Variants in ELF3 observed in about 807,000 individuals in gnomAD.
ELF3 encodes E74 like ETS transcription factor 3.
In ELF3, 18 loss-of-function variants were observed where a neutral mutation model predicts 43.9. That is an observed-to-expected ratio of 0.41 (90% CI 0.28 to 0.61). ELF3 has a LOEUF of 0.61. Ranked by LOEUF, ELF3 falls within the 20% of genes least tolerant of loss-of-function variation. The pLI is 0.30. For synonymous variants in ELF3, 181 were observed against 190.2 expected, an observed-to-expected ratio of 0.95 and a Z score of 0.40; for missense variants, 373 against 487.7, an observed-to-expected ratio of 0.76 and a Z score of 2.21.
In ELF3 at chr1:202,011,315, G is replaced by C. The variant is rs57044543; in HGVS notation, c.163+16G>C. 2.7e-3 allele frequency: 4,095 copies of C among 1,544,576 alleles called. 99 individuals carry two copies. The African/African-American group carries it at 0.051, about 19-fold the overall frequency. ...GAGGGTACAGGTGGGTCTCAGCGGG[G>C]TGGGATGGGGCACGGAGTGGGAGAC... On this transcript the variant is annotated intron_variant, in intron 2 of 8. Transcript: ENST00000367284.
At chr1:202,011,495 G>C in intron 2 of ELF3, 196 bp downstream of exon 2, 1 of 651,808 alleles carries the variant, frequency 1.5e-6, no homozygotes, top group South Asian at 2.4e-5. Context: ...ACCAGGACAA[G>C]GGTGTTGTGA....
chr1:202,012,074 G>C lies in ELF3; in HGVS notation c.281G>C (p.Arg94Pro). The change falls in exon 3 of 9, where the codon CGA (arginine) becomes CCA (proline). Residue 94 changes from arginine (R) to proline (P), a missense_variant. Arg to Pro is a moderately radical substitution (Grantham distance 103). This residue lies in a region of ELF3 where 311 missense variants were observed against 351.2 expected (regional missense o/e 0.89). Coordinates refer to ENST00000367284, the MANE Select transcript of ELF3 (RefSeq NM_004433.5). The surrounding 1 kb of genome is among the most constrained non-coding windows in gnomAD (Gnocchi z 4.2). ...KYDASAIDFS[R>P]CDMDGATLCN... is the part of the protein sequence containing the mutation. ...GACGCAAGCGCCATTGACTTCTCACGATGTGACATGGATGGCGCCACCCTC... is the reference window on the plus strand; with the variant it reads ...GACGCAAGCGCCATTGACTTCTCACCATGTGACATGGATGGCGCCACCCTC... The C allele has an allele frequency of 3.1e-6, 5 of 1,614,214 alleles. No individual in the cohort carries two copies. The highest frequency in any genetic ancestry group is 2.5e-6 in the Non-Finnish European group (3 of 1,180,038).
At position 202,012,710 on chromosome 1, in the gene ELF3, C is replaced by T; in HGVS notation, c.549C>T (p.Ser183=). 1 of 1,606,306 alleles carries T rather than the reference C, an allele frequency of 6.2e-7. No homozygotes were observed. Among genetic ancestry groups the T allele is most frequent in the East Asian group, 2.2e-5 (1 of 44,784 alleles). Residue 183 remains serine, a synonymous_variant, in exon 5 of 9, where the codon AGC becomes AGT. Coordinates refer to ENST00000367284, the MANE Select transcript of ELF3 (RefSeq NM_004433.5). The surrounding 1 kb of genome is among the most constrained non-coding windows in gnomAD (Gnocchi z 4.2). ...AAGCCAGCCCCTACCACCCCGGCAGCTGTGGCGCAGGAGCCCCCTCCCCTG... is the reference window on the plus strand; with the variant it reads ...AAGCCAGCCCCTACCACCCCGGCAGTTGTGGCGCAGGAGCCCCCTCCCCTG... ...GQQASPYHPG[S]CGAGAPSPGS...
At position 202,011,638 on chromosome 1, in the gene ELF3, G is replaced by A. The variant is rs146605694; in HGVS notation, c.164-319G>A. The A allele has an allele frequency of 2.5e-4, 117 of 464,082 alleles. 1 individual carries two copies. Among genetic ancestry groups the A allele is most frequent in the African/African-American group, 2.2e-3 (112 of 51,082 alleles). 28.7% of individuals were successfully genotyped at this position (464,082 alleles called of 1,614,324 possible). ...TGTAATCCCAGCACTTTGGGAGGCT[G>A]AGCTGAGCGGATCACCTGAGGTCAA... On this transcript the variant is annotated intron_variant, in intron 2 of 8. Coordinates refer to ENST00000367284, the MANE Select transcript of ELF3 (RefSeq NM_004433.5).
chr1:202,013,343 G>A lies in ELF3; in HGVS notation c.805+45G>A, dbSNP rs373929064. 43 of 1,576,700 alleles carry A rather than the reference G, an allele frequency of 2.7e-5. No homozygotes were observed. Among genetic ancestry groups the A allele is most frequent in the African/African-American group, 5.4e-5 (4 of 74,004 alleles). On this transcript the variant is annotated intron_variant, in intron 7 of 8. Coordinates refer to ENST00000367284, the MANE Select transcript of ELF3 (RefSeq NM_004433.5). The surrounding 1 kb of genome is among the most constrained non-coding windows in gnomAD (Gnocchi z 5.7). The stretch of plus-strand genomic sequence containing the variant: ...GGGTCCTCCCTGCGCCGGGCTGAGC[G>A]GCTTCCTGGGGCACTGCGGGTTGTT...
In ELF3 at chr1:202,010,810, C is replaced by T. The variant is rs548296818; in HGVS notation, c.-9+104C>T. On this transcript the variant is annotated intron_variant, in intron 1 of 8. Coordinates refer to ENST00000367284, the MANE Select transcript of ELF3 (RefSeq NM_004433.5). This position sits in a 1 kb window ranked among gnomAD's most constrained non-coding sequence, Gnocchi z 4.3. ...CCTGCACACTCCAGTCTAGGATCTC[C>T]GAGCAAGAGCGTAGGTGTCCTGAGG... The T allele has an allele frequency of 6.8e-6, 2 of 294,216 alleles. No homozygotes were observed. Among genetic ancestry groups the T allele is most frequent in the Non-Finnish European group, 1.3e-5 (2 of 154,768 alleles). The allele number at this position is 294,216 out of a possible 1,614,324, so 18.2% of individuals were successfully genotyped here.
At position 202,015,349 on chromosome 1, in the gene ELF3, A is replaced by C; in HGVS notation, c.*26A>C. 6.2e-7 allele frequency: 1 copy of C among 1,611,608 alleles called. No homozygotes were observed. Among genetic ancestry groups the C allele is most frequent in the Non-Finnish European group, 8.5e-7 (1 of 1,178,428 alleles). On this transcript the variant is annotated 3_prime_UTR_variant, in exon 9 of 9. Coordinates refer to ENST00000367284, the MANE Select transcript of ELF3 (RefSeq NM_004433.5). ...GGGTTGGAACTATACCCGGGACCAA[A>C]CTCACGGACCACTCGAGGCCTGCAA...
rs1218452055 is a variant in ELF3, at chr1:202,014,042, A to T, written c.1001+18A>T. 14 of 1,597,572 alleles carry T rather than the reference A, an allele frequency of 8.8e-6. No individual in the cohort carries two copies. The highest frequency in any genetic ancestry group is 1.2e-5 in the Non-Finnish European group (14 of 1,169,308). The stretch of plus-strand genomic sequence containing the variant: ...GCCATGAGGTGAGCTGGCGGCCAGG[A>T]CCCTCACGATACAGCCGGACATGGG... On this transcript the variant is annotated intron_variant, in intron 8 of 8. Coordinates refer to ENST00000367284, the MANE Select transcript of ELF3 (RefSeq NM_004433.5).
chr1:202,013,277 G>A lies in ELF3; in HGVS notation c.784G>A (p.Glu262Lys), dbSNP rs779747541. Residue 262 changes from glutamate (E) to lysine (K), a missense_variant, in exon 7 of 9, where the codon GAG becomes AAG. Glu to Lys is a moderately conservative substitution (Grantham distance 56). Coordinates refer to ENST00000367284, the MANE Select transcript of ELF3 (RefSeq NM_004433.5). This position sits in a 1 kb window ranked among gnomAD's most constrained non-coding sequence, Gnocchi z 5.7. Reference protein sequence around the residue: ...KLSKEYWDCLEGKKSKHAPRG... With the variant: ...KLSKEYWDCLKGKKSKHAPRG... Reference sequence around the variant, plus strand: ...GAGCAAAGAGTACTGGGACTGTCTCGAGGGCAAGAAGAGCAAGCACGGTGA... The same window carrying A: ...GAGCAAAGAGTACTGGGACTGTCTCAAGGGCAAGAAGAGCAAGCACGGTGA... The A allele has an allele frequency of 3.7e-6, 6 of 1,614,038 alleles. No individual in the cohort carries two copies. The highest frequency in any genetic ancestry group is 2.2e-5 in the East Asian group (1 of 44,870).
chr1:202,011,274 C>T lies in ELF3; in HGVS notation c.138C>T (p.Asn46=), dbSNP rs2102991355. 6.2e-7 allele frequency: 1 copy of T among 1,604,300 alleles called. No individual in the cohort carries two copies. The highest frequency in any genetic ancestry group is 8.5e-7 in the Non-Finnish European group (1 of 1,174,762). Residue 46 remains asparagine, a synonymous_variant, in exon 2 of 9, where the codon AAC becomes AAT. Coordinates refer to ENST00000367284, the MANE Select transcript of ELF3 (RefSeq NM_004433.5). ...ATGACTTGGTACTGACCCTGAGCAA[C>T]CCCCAGATGTCATTGGAGGGTACAG... ...GADDLVLTLS[N]PQMSLEGTEK...
chr1:202,015,071 G>A, intron 8 of ELF3, 138 bp from the exon 9 acceptor site: 1 of 726,174 alleles, frequency 1.4e-6, no homozygotes, highest in East Asian at 2.7e-5. Context: ...TTTAGGAAGT[G>A]TGAGTCAGGC....
Position 202,015,462 on chromosome 1 carries a change from G to A in ELF3, c.*139G>A. On this transcript the variant is annotated 3_prime_UTR_variant, in exon 9 of 9. Coordinates refer to ENST00000367284, the MANE Select transcript of ELF3 (RefSeq NM_004433.5). The stretch of plus-strand genomic sequence containing the variant: ...TGTGGAGAGAAGCTGATGTTTTGGT[G>A]TATTGTCAGCCATCGTCCTGGGACT... The A allele has an allele frequency of 2.4e-6, 2 of 820,500 alleles. No individual in the cohort carries two copies. Among genetic ancestry groups the A allele is most frequent in the Non-Finnish European group, 3.8e-6 (2 of 519,622 alleles). 50.8% of individuals were successfully genotyped at this position (820,500 alleles called of 1,614,324 possible).
chr1:202,016,344 A>AT lies in ELF3; in HGVS notation c.*1026dup. The AT allele has an allele frequency of 6.6e-6, 1 of 152,228 alleles. No individual in the cohort carries two copies. Among genetic ancestry groups the AT allele is most frequent in the East Asian group, 1.9e-4 (1 of 5,174 alleles). The allele number at this position is 152,228 out of a possible 1,614,324, so 9.4% of individuals were successfully genotyped here. ...ACCAAGTCTGTCCTGTTTAGGACTG[A>AT]TTTTTCCTATTAGGCTAGGGTTTGG... On this transcript the variant is annotated 3_prime_UTR_variant, in exon 9 of 9. Coordinates refer to ENST00000367284, the MANE Select transcript of ELF3 (RefSeq NM_004433.5).
chr1:202,011,737 C>G (rs1035635097), intron 2 of ELF3: 11 of 571,208 alleles, frequency 1.9e-5, no homozygotes, highest in Middle Eastern at 9.2e-4. Flanking sequence ...TTTATCCCAG[C>G]GTGGTGGTGG....
chr1:202,011,286 A>G lies in ELF3; in HGVS notation c.150A>G (p.Ser50=). 1 of 1,598,468 alleles carries G rather than the reference A, an allele frequency of 6.3e-7. No homozygotes were observed. Among genetic ancestry groups the G allele is most frequent in the South Asian group, 1.1e-5 (1 of 88,432 alleles). The part of the protein sequence containing the change: ...LVLTLSNPQM[S]LEGTEKASWL... ...TGACCCTGAGCAACCCCCAGATGTC[A>G]TTGGAGGGTACAGGTGGGTCTCAGC... Residue 50 remains serine (S), a synonymous_variant, in exon 2 of 9, where the codon TCA becomes TCG. Transcript: ENST00000367284.
At position 202,012,721 on chromosome 1, in the gene ELF3, G is replaced by A. The variant is rs777842676; in HGVS notation, c.560G>A (p.Gly187Glu). 11 of 1,600,594 alleles carry A rather than the reference G, an allele frequency of 6.9e-6. No individual in the cohort carries two copies. Among genetic ancestry groups the A allele is most frequent in the Non-Finnish European group, 6.8e-6 (8 of 1,173,866 alleles). Residue 187 changes from glycine to glutamate, a missense_variant, in exon 5 of 9, where the codon GGA (glycine) becomes GAA (glutamate). By Grantham distance (98) the Gly-to-Glu change is moderately conservative. Transcript: ENST00000367284. The surrounding 1 kb of genome is among the most constrained non-coding windows in gnomAD (Gnocchi z 4.2). ...SPYHPGSCGA[G>E]APSPGSSDVS... ...TACCACCCCGGCAGCTGTGGCGCAG[G>A]AGCCCCCTCCCCTGGCAGCTCTGAC...
Position 202,015,552 on chromosome 1 carries a change from A to C in ELF3, c.*229A>C, listed in dbSNP as rs1458149511. ...TTACAAGCCCTGGGGTTTGAAGCTGACTTTATAGCTGCAAGTGTATCTCCT... is the reference window on the plus strand; with the variant it reads ...TTACAAGCCCTGGGGTTTGAAGCTGCCTTTATAGCTGCAAGTGTATCTCCT... On this transcript the variant is annotated 3_prime_UTR_variant, in exon 9 of 9. Coordinates refer to ENST00000367284, the MANE Select transcript of ELF3 (RefSeq NM_004433.5). 3 of 543,930 alleles carry C rather than the reference A, an allele frequency of 5.5e-6. No homozygotes were observed. Among genetic ancestry groups the C allele is most frequent in the Non-Finnish European group, 9.9e-6 (3 of 301,800 alleles). The allele number at this position is 543,930 out of a possible 1,614,324, so 33.7% of individuals were successfully genotyped here. A position where few individuals can be genotyped will look rare whatever the true frequency, so the allele number is the denominator to read the frequency against.
At position 202,013,130 on chromosome 1, in the gene ELF3, C is replaced by A; in HGVS notation, c.689-52C>A. 6.2e-7 allele frequency: 1 copy of A among 1,606,512 alleles called. No individual in the cohort carries two copies. Among genetic ancestry groups the A allele is most frequent in the Non-Finnish European group, 8.5e-7 (1 of 1,175,442 alleles). On this transcript the variant is annotated intron_variant, in intron 6 of 8. Transcript: ENST00000367284. This position sits in a 1 kb window ranked among gnomAD's most constrained non-coding sequence, Gnocchi z 5.7. Reference sequence around the variant, plus strand: ...AGCCTTTTCCTGTAGAGGGGCTACTCTCCCTAACTCCCCTCTTGCCCCTCC... The same window carrying A: ...AGCCTTTTCCTGTAGAGGGGCTACTATCCCTAACTCCCCTCTTGCCCCTCC...
Position 202,012,089 on chromosome 1 carries a change from G to C in ELF3, c.296G>C (p.Gly99Ala). ...AIDFSRCDMDGATLCNCALEE... is the reference protein window; with the variant it reads ...AIDFSRCDMDAATLCNCALEE... Reference sequence around the variant, plus strand: ...GACTTCTCACGATGTGACATGGATGGCGCCACCCTCTGCAATTGTGCCCTT... The same window carrying C: ...GACTTCTCACGATGTGACATGGATGCCGCCACCCTCTGCAATTGTGCCCTT... The change falls in exon 3 of 9, where the codon GGC becomes GCC. Residue 99 changes from glycine to alanine, a missense_variant. Physicochemically the swap from Gly to Ala is moderately conservative, Grantham distance 60. Around this residue, in one of 3 missense-constraint regions of ELF3, gnomAD observed 311 missense variants for 351.2 expected, o/e 0.89. Transcript: ENST00000367284. The surrounding 1 kb of genome is among the most constrained non-coding windows in gnomAD (Gnocchi z 4.2). 6.2e-7 allele frequency: 1 copy of C among 1,614,204 alleles called. No homozygotes were observed. The highest frequency in any genetic ancestry group is 2.2e-5 in the East Asian group (1 of 44,876).
Sources: allele counts gnomAD v4.1 joint callset, GRCh38; gene constraint gnomAD v4.1.1; regional missense constraint gnomAD v4.1.1; non-coding constraint Gnocchi (gnomAD v3.1); transcripts MANE v1.5; gene names NCBI Gene and HGNC (gene_info 2026-07-23, HGNC 2026-07-21).